CNTN5: variants seen among roughly 807,000 people sequenced by gnomAD.
CNTN5 encodes the protein contactin-5.
In CNTN5, 77 loss-of-function variants were observed where a neutral mutation model predicts 129.1. The ratio of observed to expected loss-of-function variants is 0.60; its 90% CI spans 0.50 to 0.72. The LOEUF (loss-of-function observed/expected upper bound fraction) is 0.72. Among genes scored for constraint, CNTN5 ranks in the 30% least tolerant of loss-of-function variants. The pLI, the probability that CNTN5 is intolerant of heterozygous loss-of-function variation, is 0.00. For synonymous variants in CNTN5, 509 were observed against 465.6 expected (o/e 1.09, Z -1.20); for missense variants, 1,478 against 1,328.8 (o/e 1.11, Z -1.75).
chr11:99,405,286 G>A (rs2136221377), intron 2 of CNTN5, among the ~76,000 whole-genome samples: 1 of 152,136 alleles, frequency 6.6e-6, no homozygotes, highest in South Asian at 2.1e-4. Flanking sequence ...TTATCCCTTT[G>A]ACTAACATTC....
At chr11:100,288,853 G>T (rs1950872573) in intron 18 of CNTN5, among the ~76,000 whole-genome samples, 1 of 151,980 alleles carries the variant, frequency 6.6e-6, no homozygotes, top group South Asian at 2.1e-4. Context: ...AAAATTGATA[G>T]ACCGCTAGCA....
intron 3 of CNTN5, among the ~76,000 whole-genome samples, chr11:99,765,632 T>C (rs768347209): frequency 6.6e-6 from 1 of 151,120 alleles, no homozygotes; most frequent in Non-Finnish European, 1.5e-5. Flanking sequence ...TTTTTAGCCT[T>C]TCAGATGATC....
At chr11:99,055,828 C>T (rs1455741466) in intron 1 of CNTN5, among the ~76,000 whole-genome samples, 1 of 152,014 alleles carries the variant, frequency 6.6e-6, no homozygotes, top group Non-Finnish European at 1.5e-5. Context: ...CCCTTTCAAA[C>T]TCACTGTTGG....
chr11:99,553,795 CAG>C (rs1226162594), intron 2 of CNTN5, among the ~76,000 whole-genome samples: 1 of 150,680 alleles, frequency 6.6e-6, no homozygotes, highest in Non-Finnish European at 1.5e-5. Flanking sequence ...TAGAAAGAGA[CAG>C]AAAGGGAGAA....
At chr11:100,024,143 C>T (rs1941295491) in intron 9 of CNTN5, among the ~76,000 whole-genome samples, 1 of 152,138 alleles carries the variant, frequency 6.6e-6, no homozygotes, top group Non-Finnish European at 1.5e-5. Context: ...GTAACTGAAT[C>T]ATGAAGGCAG....
intron 13 of CNTN5, among the ~76,000 whole-genome samples, chr11:100,098,467 T>C (rs1428320567): frequency 6.6e-6 from 1 of 152,070 alleles, no homozygotes; most frequent in Admixed American, 6.6e-5. Flanking sequence ...TTTTGTGTTG[T>C]GTTTAATCTG....
At chr11:99,756,582 C>A (rs1247054481) in intron 3 of CNTN5, among the ~76,000 whole-genome samples, 2 of 152,040 alleles carry the variant, frequency 1.3e-5, no homozygotes, top group Non-Finnish European at 2.9e-5. Context: ...TAAATACACA[C>A]TCAAAGAATG....
intron 7 of CNTN5, among the ~76,000 whole-genome samples, chr11:99,949,979 C>T (rs1043775553): frequency 6.6e-6 from 1 of 152,104 alleles, no homozygotes; most frequent in African/African-American, 2.4e-5. Flanking sequence ...ATGAAGAACT[C>T]TGCTTCTTTT....
At chr11:99,789,013 A>C (rs1945639889) in intron 3 of CNTN5, among the ~76,000 whole-genome samples, 1 of 151,802 alleles carries the variant, frequency 6.6e-6, no homozygotes, top group Admixed American at 6.6e-5. Flanking sequence ...ATATTGTAAA[A>C]ATCTAACATC....
chr11:100,340,563 C>A lies in CNTN5; in HGVS notation c.2831C>A (p.Thr944Lys), dbSNP rs777896794. ...FVILTGLEGN[T>K]LYHFTVRAYN... ...ATCCTAACAGGATTAGAAGGAAATA[C>A]GTTATATCACTTCACAGTGAGGGCT... The change falls in exon 22 of 25, where the codon ACG becomes AAG. Residue 944 changes from threonine (T) to lysine (K), a missense_variant. Coordinates refer to ENST00000524871, the MANE Select transcript of CNTN5 (RefSeq NM_014361.4). 9.3e-6 allele frequency: 15 copies of A among 1,612,898 alleles called. No individual in the cohort carries two copies. In the South Asian group the frequency reaches 1.3e-4, roughly 14 times the overall value.
At chr11:99,614,371 T>C (rs952042174) in intron 3 of CNTN5, among the ~76,000 whole-genome samples, 1 of 152,194 alleles carries the variant, frequency 6.6e-6, no homozygotes, top group African/African-American at 2.4e-5. Context: ...AAGTTCAAGC[T>C]TTCATACTTA....
At chr11:99,732,570 T>C (rs1426770817) in intron 3 of CNTN5, among the ~76,000 whole-genome samples, 2 of 152,132 alleles carry the variant, frequency 1.3e-5, no homozygotes, top group East Asian at 3.9e-4. Context: ...GAGTGGAATA[T>C]TGGAGACAGG....
intron 1 of CNTN5, among the ~76,000 whole-genome samples, chr11:99,192,808 A>G (rs1297614616): frequency 6.6e-6 from 1 of 152,066 alleles, no homozygotes; most frequent in Non-Finnish European, 1.5e-5. Context: ...TTACTGTTAT[A>G]TTTGTTTTTC....
intron 8 of CNTN5, among the ~76,000 whole-genome samples, chr11:99,966,018 A>G (rs182072697): frequency 5.3e-5 from 8 of 152,302 alleles, no homozygotes; most frequent in African/African-American, 1.2e-4. Context: ...AAACCTCTCA[A>G]TGCAGAGATA....
At chr11:99,313,704 T>C in intron 1 of CNTN5, among the ~76,000 whole-genome samples, 1 of 152,266 alleles carries the variant, frequency 6.6e-6, no homozygotes, top group East Asian at 1.9e-4. Flanking sequence ...TATTTAGTAA[T>C]AATTATTTCA....
intron 1 of CNTN5, among the ~76,000 whole-genome samples, chr11:99,118,990 G>T (rs545059142): frequency 9.2e-5 from 14 of 151,984 alleles, no homozygotes; most frequent in Non-Finnish European, 1.9e-4. Flanking sequence ...TGAATATGCA[G>T]GTTATCACTT....
chr11:99,125,309 C>A (rs76951855), intron 1 of CNTN5, among the ~76,000 whole-genome samples: 9,350 of 151,160 alleles, frequency 0.062, 315 homozygotes, highest in African/African-American at 0.086. Flanking sequence ...CAACATTTGC[C>A]AATCAATAAA....
chr11:99,828,863 C>A (rs984622346), intron 4 of CNTN5, among the ~76,000 whole-genome samples: 1 of 152,082 alleles, frequency 6.6e-6, no homozygotes, highest in African/African-American at 2.4e-5. Context: ...TGACAAATCC[C>A]ATCTAAATGT....
chr11:99,083,885 C>A (rs1865900499), intron 1 of CNTN5, among the ~76,000 whole-genome samples: 1 of 152,184 alleles, frequency 6.6e-6, no homozygotes, highest in African/African-American at 2.4e-5. Flanking sequence ...GGCCCTCTCT[C>A]TAGGGTTGAG....
Sources: allele counts gnomAD v4.1 joint callset (sites outside exome capture counted in the v4.1 genomes callset), GRCh38; gene constraint gnomAD v4.1.1; transcripts MANE v1.5; gene names NCBI Gene and HGNC (gene_info 2026-07-23, HGNC 2026-07-21).